CCDC15: variants seen among roughly 807,000 people sequenced by gnomAD.
CCDC15 encodes coiled-coil domain containing 15, also known as coiled-coil domain-containing protein 15.
Under a neutral mutation model 114.5 loss-of-function variants are expected in CCDC15, and 105 were observed. That is an observed-to-expected ratio of 0.92 (90% CI 0.78 to 1.08). CCDC15 has a LOEUF of 1.08. CCDC15 is among the 50% of genes least tolerant of loss of function. The pLI, the probability that CCDC15 is intolerant of heterozygous loss-of-function variation, is 0.00. For missense variants in CCDC15, 1,105 were observed against 1,093.6 expected, an observed-to-expected ratio of 1.01 and a Z score of -0.15; for synonymous variants, 334 against 377.8, an observed-to-expected ratio of 0.88 and a Z score of 1.34.
chr11:125,037,078 T>C (rs1392418871), intron 13 of CCDC15, among the ~76,000 whole-genome samples: 1 of 152,166 alleles, frequency 6.6e-6, no homozygotes, highest in African/African-American at 2.4e-5. Flanking sequence ...TTTGTGTGCT[T>C]AGTAATCTTT....
intron 6 of CCDC15, among the ~76,000 whole-genome samples, chr11:124,984,526 G>T (rs1324310642): frequency 2.0e-5 from 3 of 152,118 alleles, no homozygotes; most frequent in Admixed American, 6.5e-5. Context: ...GTGGGCCTTG[G>T]GGGATGGACA....
At chr11:124,955,758 T>G (rs926620513) in intron 2 of CCDC15, among the ~76,000 whole-genome samples, 7 of 152,242 alleles carry the variant, frequency 4.6e-5, no homozygotes, top group Non-Finnish European at 7.3e-5. Context: ...AATGTTAAAG[T>G]AATGCAATAT....
Position 124,954,865 on chromosome 11 carries a change from T to C in CCDC15, c.133T>C (p.Trp45Arg). 1 of 1,614,032 alleles carries C rather than the reference T, an allele frequency of 6.2e-7. No homozygotes were observed. The highest frequency in any genetic ancestry group is 8.5e-7 in the Non-Finnish European group (1 of 1,179,886). The change falls in exon 2 of 16, where the codon TGG becomes CGG. Residue 45 changes from tryptophan (W) to arginine (R), a missense_variant. Coordinates refer to ENST00000344762, the MANE Select transcript of CCDC15 (RefSeq NM_025004.3). ...CGAGGCTATAGTACCAGTTGGGGCA[T>C]GGGTGGAACCTGCCTCACCAGGTAG... ...RNEAIVPVGA[W>R]VEPASPGSSE... is the part of the protein sequence containing the mutation.
chr11:124,974,212 C>T (rs1187394243), intron 4 of CCDC15, among the ~76,000 whole-genome samples: 1 of 152,080 alleles, frequency 6.6e-6, no homozygotes, highest in Admixed American at 6.5e-5. Flanking sequence ...AACTCCTGAC[C>T]TCAGGTGATC....
intron 13 of CCDC15, among the ~76,000 whole-genome samples, chr11:125,028,693 T>A (rs558587676): frequency 2.0e-3 from 307 of 152,294 alleles, no homozygotes; most frequent in Non-Finnish European, 2.8e-3. Context: ...AGGAGCTTTT[T>A]GGATGAGTCT....
At chr11:124,999,725 A>G (rs939882659) in intron 11 of CCDC15, among the ~76,000 whole-genome samples, 9 of 151,878 alleles carry the variant, frequency 5.9e-5, no homozygotes, top group African/African-American at 2.2e-4. Flanking sequence ...ACTGCTTTAA[A>G]AGTTTTGTCT....
intron 11 of CCDC15, among the ~76,000 whole-genome samples, chr11:124,998,427 C>T (rs1948412089): frequency 6.6e-6 from 1 of 152,116 alleles, no homozygotes; most frequent in East Asian, 1.9e-4. Flanking sequence ...GCAGAAGTCT[C>T]TTTATTTAAA....
chr11:124,966,375 G>C lies in CCDC15; in HGVS notation c.516+6372G>C, dbSNP rs1259083798. On this transcript the variant is annotated intron_variant, in intron 4 of 15. Coordinates refer to ENST00000344762, the MANE Select transcript of CCDC15 (RefSeq NM_025004.3). ...GATAGTTAGCTCTTCTTGTTGAATTGATCCTTTTACCGTTATGTAATGGCC... is the reference window on the plus strand; with the variant it reads ...GATAGTTAGCTCTTCTTGTTGAATTCATCCTTTTACCGTTATGTAATGGCC... Among the ~76,000 whole-genome samples, 5 of 152,100 alleles carry C rather than the reference G, an allele frequency of 3.3e-5. No individual in the cohort carries two copies. The East Asian group carries it at 9.6e-4, about 29-fold the overall frequency.
intron 13 of CCDC15, among the ~76,000 whole-genome samples, chr11:125,028,237 A>T (rs1054863467): frequency 6.6e-6 from 1 of 152,124 alleles, no homozygotes; most frequent in African/African-American, 2.4e-5. Context: ...TGCTTTGGCT[A>T]TGTGGGCTCT....
rs1170452449 is a variant in CCDC15, at chr11:124,960,134, C to CT, written c.516+131_516+132insT. ...CAGCTTCACTTTTGATAATCATCCC[C>CT]CTTTTTTTTTTTTTTTAGCTTTGTA... On this transcript the variant is annotated intron_variant, in intron 4 of 15. Coordinates refer to ENST00000344762, the MANE Select transcript of CCDC15 (RefSeq NM_025004.3). 2.7e-5 allele frequency: 14 copies of CT among 526,980 alleles called. No individual in the cohort carries two copies. In the African/African-American group the frequency reaches 3.0e-4, roughly 11 times the overall value. 32.6% of individuals were successfully genotyped at this position (526,980 alleles called of 1,614,324 possible).
At chr11:124,959,586 T>G (rs1947619620) in intron 3 of CCDC15, among the ~76,000 whole-genome samples, 1 of 152,160 alleles carries the variant, frequency 6.6e-6, no homozygotes, top group African/African-American at 2.4e-5. Flanking sequence ...TCTTCATCCA[T>G]AAAATAAGGA....
At chr11:125,033,089 A>C (rs1265581076) in intron 13 of CCDC15, among the ~76,000 whole-genome samples, 3 of 152,186 alleles carry the variant, frequency 2.0e-5, no homozygotes, top group Admixed American at 6.5e-5. Flanking sequence ...CTTCCCCTTC[A>C]TTCAAGAGGT....
At chr11:124,958,343 A>AT (rs1253941201) in intron 2 of CCDC15, among the ~76,000 whole-genome samples, 1 of 151,002 alleles carries the variant, frequency 6.6e-6, no homozygotes, top group Non-Finnish European at 1.5e-5. Context: ...AATTTTCTTA[A>AT]TTAACACTAT....
intron 13 of CCDC15, among the ~76,000 whole-genome samples, chr11:125,008,944 C>T (rs942459849): frequency 2.6e-5 from 4 of 152,102 alleles, no homozygotes; most frequent in African/African-American, 4.8e-5. Flanking sequence ...ATGAGCTGGG[C>T]GCGGTGGCTC....
chr11:124,973,180 GCCTA>G (rs1947912411), intron 4 of CCDC15, among the ~76,000 whole-genome samples: 1 of 152,082 alleles, frequency 6.6e-6, no homozygotes, highest in Admixed American at 6.5e-5. Flanking sequence ...CTGCTTAAGG[GCCTA>G]TAATCAATGT....
chr11:125,001,260 T>C (rs1591602394), intron 11 of CCDC15, among the ~76,000 whole-genome samples: 3 of 152,324 alleles, frequency 2.0e-5, no homozygotes, highest in Admixed American at 2.0e-4. Context: ...GTTGGCAACA[T>C]GCATATTGGA....
rs546334498 is a variant in CCDC15 at position 125,020,358 on chromosome 11, G to A, written c.2411+15146G>A. Among the ~76,000 whole-genome samples, 57 of 151,972 alleles carry A rather than the reference G, an allele frequency of 3.8e-4. 1 individual carries two copies. In the South Asian group the frequency reaches 0.012, roughly 31 times the overall value. ...GAAACAGTCCTTGCTTTTGGTTCTA[G>A]GTCTCTTAACTTTGTGAAGGATTAG... On this transcript the variant is annotated intron_variant, in intron 13 of 15. Transcript: ENST00000344762.
At chr11:125,026,040 C>T (rs967897398) in intron 13 of CCDC15, among the ~76,000 whole-genome samples, 6 of 152,092 alleles carry the variant, frequency 3.9e-5, no homozygotes, top group African/African-American at 1.2e-4. Context: ...GTGAGCTATG[C>T]TCCCTGTGGT....
intron 1 of CCDC15, 39 bp from the exon 2 acceptor site, chr11:124,954,685 T>C (rs1279866773): frequency 1.3e-6 from 2 of 1,586,808 alleles, no homozygotes; most frequent in Non-Finnish European, 1.7e-6. Context: ...TTTAATGCAG[T>C]CATTTGAAGA....
Sources: allele counts gnomAD v4.1 joint callset (sites outside exome capture counted in the v4.1 genomes callset), GRCh38; gene constraint gnomAD v4.1.1; transcripts MANE v1.5; gene names NCBI Gene and HGNC (gene_info 2026-07-23, HGNC 2026-07-21).